The following CALN1 variants were observed in gnomAD, a reference collection of about 807,000 sequenced individuals.
CALN1 encodes calcium-binding protein 8.
A neutral mutation model predicts 30.6 loss-of-function variants in CALN1; 17 were observed. That is an observed-to-expected ratio of 0.56 (90% CI 0.38 to 0.83). CALN1 has a LOEUF of 0.83. CALN1 is among the 40% of genes least tolerant of loss of function. CALN1 has a pLI of 0.00. For missense variants in CALN1, 291 were observed against 354.9 expected, an observed-to-expected ratio of 0.82 and a Z score of 1.45; for synonymous variants, 156 against 131.4, an observed-to-expected ratio of 1.19 and a Z score of -1.28.
chr7:72,076,235 C>T (rs1470256980), intron 4 of CALN1, among the ~76,000 whole-genome samples: 1 of 151,820 alleles, frequency 6.6e-6, no homozygotes, highest in Non-Finnish European at 1.5e-5. Flanking sequence ...CACCATGGCA[C>T]ACGTTCACCT....
rs139761999 is a variant in CALN1 at position 72,000,782 on chromosome 7, A to G, written c.501+22875T>C. On this transcript the variant is annotated intron_variant, in intron 5 of 6. Coordinates refer to ENST00000395275, the MANE Select transcript of CALN1 (RefSeq NM_031468.4). The stretch of plus-strand genomic sequence containing the variant: ...ATCTCTCATGAACTTAGATGTAAGA[A>G]TCTTAACAAAATACTAGCAAACTGA... 4.8e-3 allele frequency among the ~76,000 whole-genome samples: 725 copies of G among 152,340 alleles called. 4 individuals carry two copies. Among genetic ancestry groups the G allele is most frequent in the African/African-American group, 0.017 (696 of 41,582 alleles).
chr7:71,823,474 C>G (rs1220019987), intron 5 of CALN1, among the ~76,000 whole-genome samples: 1 of 152,170 alleles, frequency 6.6e-6, no homozygotes, highest in African/African-American at 2.4e-5. Flanking sequence ...AATCCCAGCA[C>G]TTTGGGTGGC....
At chr7:72,265,859 C>T (rs1548423) in intron 3 of CALN1, among the ~76,000 whole-genome samples, 51,713 of 151,786 alleles carry the variant, frequency 0.34, 10,098 homozygotes, top group Middle Eastern at 0.53. Flanking sequence ...AAAGGCTGGG[C>T]GCAGTGGCTC....
chr7:71,856,861 G>A (rs566585624), intron 5 of CALN1, among the ~76,000 whole-genome samples: 3 of 152,042 alleles, frequency 2.0e-5, no homozygotes, highest in Non-Finnish European at 4.4e-5. Flanking sequence ...AGGCTCAGGT[G>A]GAAGGGTCGC....
chr7:71,977,568 TC>T (rs1798160367), intron 5 of CALN1, among the ~76,000 whole-genome samples: 2 of 152,180 alleles, frequency 1.3e-5, no homozygotes, highest in Admixed American at 1.3e-4. Flanking sequence ...GCCACACAGG[TC>T]TGTCTCATGG....
At chr7:72,113,010 A>C (rs985010540) in intron 3 of CALN1, among the ~76,000 whole-genome samples, 1 of 152,186 alleles carries the variant, frequency 6.6e-6, no homozygotes, top group African/African-American at 2.4e-5. Context: ...GCATGTCTAC[A>C]ATTCTGGCTG....
intron 3 of CALN1, among the ~76,000 whole-genome samples, chr7:72,265,323 G>T (rs980499253): frequency 2.0e-5 from 3 of 152,198 alleles, no homozygotes; most frequent in Admixed American, 6.5e-5. Flanking sequence ...CCACTGTGAA[G>T]AGAGAAGACC....
chr7:72,336,901 G>GC, intron 2 of CALN1: 2 of 984,224 alleles, frequency 2.0e-6, no homozygotes, highest in Non-Finnish European at 1.2e-6. Flanking sequence ...CTCCCTCGGC[G>GC]CCCCCGGGCC....
intron 5 of CALN1, among the ~76,000 whole-genome samples, chr7:71,828,718 ATG>A (rs146892125): frequency 7.5e-4 from 108 of 144,028 alleles, no homozygotes; most frequent in South Asian, 9.0e-4. Flanking sequence ...ATATATGTAT[ATG>A]TGTGTGTGTG....
chr7:71,914,224 G>A (rs1184306303), intron 5 of CALN1, among the ~76,000 whole-genome samples: 1 of 151,742 alleles, frequency 6.6e-6, no homozygotes, highest in Non-Finnish European at 1.5e-5. Context: ...CCTCCAAAAG[G>A]CCCCAGTGTG....
At chr7:72,205,552 ATATATATATATATATGTATATATAT>A (rs1313861160) in intron 3 of CALN1, among the ~76,000 whole-genome samples, 2 of 64,816 alleles carry the variant, frequency 3.1e-5, no homozygotes, top group Middle Eastern at 6.8e-3. Context: ...CAAAAAAAAA[ATATATATATATATATGTATATATAT>A]ATATATATAT....
At chr7:72,283,479 G>A (rs1235734507) in intron 2 of CALN1, among the ~76,000 whole-genome samples, 2 of 152,202 alleles carry the variant, frequency 1.3e-5, no homozygotes, top group African/African-American at 2.4e-5. Flanking sequence ...AGACTTCAGA[G>A]AGCTATGATC....
chr7:72,256,516 A>C (rs898095545), intron 3 of CALN1, among the ~76,000 whole-genome samples: 3 of 152,176 alleles, frequency 2.0e-5, no homozygotes, highest in African/African-American at 7.2e-5. Context: ...AAAAAAGATG[A>C]CCAAAATTCT....
chr7:72,078,797 G>A (rs764389640), intron 4 of CALN1, among the ~76,000 whole-genome samples: 6 of 152,224 alleles, frequency 3.9e-5, no homozygotes, highest in East Asian at 1.9e-4. Context: ...TTAGTTGGGC[G>A]TGGTGGCAGG....
At chr7:72,145,827 C>A (rs1007075824) in intron 3 of CALN1, among the ~76,000 whole-genome samples, 1 of 152,166 alleles carries the variant, frequency 6.6e-6, no homozygotes. Flanking sequence ...ATATGCAAAT[C>A]AATAAATGTA....
chr7:71,884,132 C>T lies in CALN1; in HGVS notation c.502-73640G>A, dbSNP rs570646068. ...GTTTCACCATGTTGGCCAGGATGGT[C>T]TTGATCTCCTGACCTCATGATCTGT... On this transcript the variant is annotated intron_variant, in intron 5 of 6. Transcript: ENST00000395275. 2.0e-5 allele frequency among the ~76,000 whole-genome samples: 3 copies of T among 152,244 alleles called. No homozygotes were observed. The South Asian group carries it at 6.2e-4, about 32-fold the overall frequency.
chr7:72,102,615 C>T (rs530033767), intron 4 of CALN1, among the ~76,000 whole-genome samples: 4 of 152,084 alleles, frequency 2.6e-5, no homozygotes, highest in Non-Finnish European at 4.4e-5. Context: ...ACAGGTGAAC[C>T]TTGGAAACAC....
In CALN1 at chr7:71,989,536, C is replaced by T. The variant is rs943804891; in HGVS notation, c.501+34121G>A. 4.6e-5 allele frequency among the ~76,000 whole-genome samples: 7 copies of T among 151,588 alleles called. 1 individual carries two copies. The highest frequency in any genetic ancestry group is 3.9e-4 in the East Asian group (2 of 5,176). On this transcript the variant is annotated intron_variant, in intron 5 of 6. Coordinates refer to ENST00000395275, the MANE Select transcript of CALN1 (RefSeq NM_031468.4). ...CTAATTCAGCCGTGTGTCTGAGAAA[C>T]GATGTAGAAAGAAACCACCAAGTAC...
At chr7:72,415,261 T>C (rs532423473), upstream of CALN1, among the ~76,000 whole-genome samples, 24 of 152,350 alleles carry the variant, frequency 1.6e-4, no homozygotes, top group South Asian at 5.0e-3. Flanking sequence ...AGCACCTGGG[T>C]CTAATTCATA....
Sources: gnomAD v4.1 joint callset for allele counts (sites outside exome capture counted in the v4.1 genomes callset) on GRCh38, gnomAD v4.1.1 for gene constraint, MANE v1.5 for transcripts, NCBI Gene and HGNC (gene_info 2026-07-23, HGNC 2026-07-21) for gene names.